Variants in BCAN observed in about 807,000 individuals in gnomAD.
BCAN encodes brevican core protein.
Under a neutral mutation model 92.4 loss-of-function variants are expected in BCAN, and 51 were observed. That is an observed-to-expected ratio of 0.55 (90% CI 0.44 to 0.70). The LOEUF is 0.70. BCAN is among the 30% of genes least tolerant of loss of function. BCAN has a pLI of 0.00. For missense variants in BCAN, 1,140 were observed against 1,212.1 expected (o/e 0.94, Z 0.88); for synonymous variants, 501 against 505.2 (o/e 0.99, Z 0.11).
Position 156,648,666 on chromosome 1 carries a change from C to G in BCAN, c.868C>G (p.Leu290Val). ...RGAEIATTGQ[L>V]YAAWDGGLDH... ...TGCAGAGATTGCCACCACGGGCCAA[C>G]TGTATGCAGCCTGGGATGGTGGCCT... The change falls in exon 6 of 14, where the codon CTG becomes GTG. Residue 290 changes from leucine (L) to valine (V), a missense_variant. Physicochemically the swap from Leu to Val is conservative, Grantham distance 32. Around this residue, in one of 3 missense-constraint regions of BCAN, gnomAD observed 825 missense variants for 871.8 expected, o/e 0.95. Transcript: ENST00000329117. 6.2e-7 allele frequency: 1 copy of G among 1,613,620 alleles called. No homozygotes were observed. Among genetic ancestry groups the G allele is most frequent in the Non-Finnish European group, 8.5e-7 (1 of 1,179,562 alleles).
Position 156,648,913 on chromosome 1 carries a change from G to C in BCAN, c.1063+52G>C, listed in dbSNP as rs1679072117. 5.3e-6 allele frequency: 8 copies of C among 1,510,364 alleles called. No homozygotes were observed. The South Asian group carries it at 7.6e-5, about 14-fold the overall frequency. The allele number at this position is 1,510,364 out of a possible 1,614,324, so 93.6% of individuals were successfully genotyped here. ...AGACCAATCTCAGAAAGGCAGAGTT[G>C]AGTCCTAAAAGTCCTACCCCAGTCT... On this transcript the variant is annotated intron_variant, in intron 6 of 13. Transcript: ENST00000329117.
chr1:156,647,691 G>C lies in BCAN; in HGVS notation c.641+9G>C. 1.9e-6 allele frequency: 3 copies of C among 1,576,464 alleles called. No homozygotes were observed. The highest frequency in any genetic ancestry group is 2.6e-6 in the Non-Finnish European group (3 of 1,159,600). On this transcript the variant is annotated intron_variant, in intron 4 of 13. Coordinates refer to ENST00000329117, the MANE Select transcript of BCAN (RefSeq NM_021948.5). This position sits in a 1 kb window ranked among gnomAD's most constrained non-coding sequence, Gnocchi z 4.8. ...TCGGATCAGACCGTGAGGTGGGCAG[G>C]GGCTGTGGATTGGGGCTTCTATTGG...
At chr1:156,649,124 G>T (rs1679079788) in intron 6 of BCAN, among the ~76,000 whole-genome samples, 1 of 152,142 alleles carries the variant, frequency 6.6e-6, no homozygotes, top group African/African-American at 2.4e-5. Flanking sequence ...TGCCTTGTTT[G>T]CTCCAGCTGG....
chr1:156,642,250 C>G lies in BCAN; in HGVS notation c.-34C>G, dbSNP rs1175506263. On this transcript the variant is annotated 5_prime_UTR_variant, in exon 1 of 14. Transcript: ENST00000329117. The surrounding 1 kb of genome is among the most constrained non-coding windows in gnomAD (Gnocchi z 4.2). ...GAGGAGGCGACAAACTTCGCAGTGC[C>G]GCGACCCAACCCCAGCCCTGGGTAG... 2 of 152,374 alleles carry G rather than the reference C, an allele frequency of 1.3e-5. No homozygotes were observed. The highest frequency in any genetic ancestry group is 3.9e-4 in the East Asian group (2 of 5,186). The allele number at this position is 152,374 out of a possible 1,614,324, so 9.4% of individuals were successfully genotyped here. A position where few individuals can be genotyped will look rare whatever the true frequency, so the allele number is the denominator to read the frequency against.
At chr1:156,657,244 C>A in intron 10 of BCAN, 148 bp downstream of exon 10, 1 of 1,060,544 alleles carries the variant, frequency 9.4e-7, no homozygotes, top group Non-Finnish European at 1.3e-6. Context: ...CTCCCCTTCT[C>A]ATTCTCTCTC....
chr1:156,650,300 G>A (rs372004592), intron 6 of BCAN, among the ~76,000 whole-genome samples: 1 of 152,184 alleles, frequency 6.6e-6, no homozygotes. Flanking sequence ...GATTGGTGGA[G>A]GACACAGGCA....
intron 6 of BCAN, among the ~76,000 whole-genome samples, chr1:156,649,265 A>G (rs1488630583): frequency 1.3e-5 from 2 of 152,198 alleles, no homozygotes; most frequent in Non-Finnish European, 2.9e-5. Context: ...AGCCCTCTGG[A>G]GGATTTCCAG....
Position 156,646,804 on chromosome 1 carries a change from A to G in BCAN, c.95A>G (p.Asp32Gly), listed in dbSNP as rs1326081977. ...AGCCGGCTCCACCCGTTCACAGAGG[A>G]CCGCGCTTTTCGCGTGCGCATCGCG... is the stretch of plus-strand genomic sequence containing the variant. ...ADVLEGDSSE[D>G]RAFRVRIAGD... is the part of the protein sequence containing the mutation. Residue 32 changes from aspartate (D) to glycine (G), a missense_variant, in exon 3 of 14, where the codon GAC (aspartate) becomes GGC (glycine). Asp to Gly is a moderately conservative substitution (Grantham distance 94). Coordinates refer to ENST00000329117, the MANE Select transcript of BCAN (RefSeq NM_021948.5). 6.4e-7 allele frequency: 1 copy of G among 1,560,470 alleles called. No homozygotes were observed.
chr1:156,651,383 A>T lies in BCAN; in HGVS notation c.1064-73A>T, dbSNP rs1014131819. ...GATGTGAGAGAATTGAGAGAATTCC[A>T]TGGTGCAAGCTGTGACCTGGGAGGG... On this transcript the variant is annotated intron_variant, in intron 6 of 13. Transcript: ENST00000329117. 24 of 1,326,220 alleles carry T rather than the reference A, an allele frequency of 1.8e-5. No homozygotes were observed. In the Admixed American group the frequency reaches 2.5e-4, roughly 14 times the overall value. The allele number at this position is 1,326,220 out of a possible 1,614,324, so 82.2% of individuals were successfully genotyped here.
chr1:156,656,957 C>T lies in BCAN; in HGVS notation c.2070C>T (p.Pro690=), dbSNP rs757924821. Residue 690 remains proline, a synonymous_variant, in exon 10 of 14, where the codon CCC becomes CCT. Transcript: ENST00000329117. The part of the protein sequence containing the change: ...LCDVGLRFCN[P]GWDAFQGACY... ...CCGCAGGCCTCCGCTTCTGCAACCC[C>T]GGCTGGGACGCCTTCCAGGGCGCCT... The T allele has an allele frequency of 1.2e-6, 2 of 1,613,946 alleles. No homozygotes were observed. Among genetic ancestry groups the T allele is most frequent in the Middle Eastern group, 1.7e-4 (1 of 6,034 alleles).
chr1:156,647,608 G>A lies in BCAN; in HGVS notation c.567G>A (p.Pro189=), dbSNP rs753522736. The change falls in exon 4 of 14, where the codon CCG becomes CCA. Residue 189 remains proline (P), a synonymous_variant. Transcript: ENST00000329117. This position sits in a 1 kb window ranked among gnomAD's most constrained non-coding sequence, Gnocchi z 4.8. ...CARIGAHIAT[P]EQLYAAYLGG... Reference sequence around the variant, plus strand: ...GCATTGGAGCCCACATCGCCACCCCGGAGCAGCTCTATGCCGCCTACCTTG... The same window carrying A: ...GCATTGGAGCCCACATCGCCACCCCAGAGCAGCTCTATGCCGCCTACCTTG... The A allele has an allele frequency of 1.1e-5, 17 of 1,613,074 alleles. No individual in the cohort carries two copies. The highest frequency in any genetic ancestry group is 2.2e-5 in the East Asian group (1 of 44,886).
chr1:156,651,033 G>A (rs1054989890), intron 6 of BCAN, among the ~76,000 whole-genome samples: 7 of 152,194 alleles, frequency 4.6e-5, no homozygotes, highest in Admixed American at 3.9e-4. Context: ...CATCCATCCT[G>A]CTGGCTCCAG....
At chr1:156,656,243 T>C in intron 8 of BCAN, 39 bp from the exon 9 acceptor site, 1 of 1,394,780 alleles carries the variant, frequency 7.2e-7, no homozygotes. Flanking sequence ...AGAGTGCGGC[T>C]GCCTCGCTCC....
intron 8 of BCAN, chr1:156,653,489 T>C: frequency 2.0e-6 from 2 of 987,052 alleles, no homozygotes; most frequent in African/African-American, 3.5e-5. Flanking sequence ...GTACCCTCTG[T>C]CTCCATCTCC....
intron 6 of BCAN, among the ~76,000 whole-genome samples, chr1:156,649,130 G>A (rs966696121): frequency 2.6e-5 from 4 of 152,170 alleles, no homozygotes; most frequent in Non-Finnish European, 5.9e-5. Flanking sequence ...GTTTGCTCCA[G>A]CTGGGCTGCT....
At chr1:156,656,743 A>T in intron 9 of BCAN, 195 bp from the exon 10 acceptor site, 1 of 711,134 alleles carries the variant, frequency 1.4e-6, no homozygotes, top group Non-Finnish European at 2.2e-6. Flanking sequence ...TAGAAAAGGC[A>T]CCAGCGCCCC....
At position 156,658,815 on chromosome 1, in the gene BCAN, A is replaced by G; in HGVS notation, c.2628+82A>G. 6.4e-7 allele frequency: 1 copy of G among 1,572,396 alleles called. No homozygotes were observed. Among genetic ancestry groups the G allele is most frequent in the Non-Finnish European group, 8.7e-7 (1 of 1,150,286 alleles). The stretch of plus-strand genomic sequence containing the variant: ...GACTCCACTTAAAGTCCTGCCTGTC[A>G]CTGGCCATGTGACCTTGGAGCCATC... On this transcript the variant is annotated intron_variant, in intron 13 of 13. Coordinates refer to ENST00000329117, the MANE Select transcript of BCAN (RefSeq NM_021948.5). The surrounding 1 kb of genome is among the most constrained non-coding windows in gnomAD (Gnocchi z 4.4).
At chr1:156,653,573 C>T (rs1679247425) in intron 8 of BCAN, 2 of 970,220 alleles carry the variant, frequency 2.1e-6, no homozygotes, top group Non-Finnish European at 2.5e-6. Context: ...GGCTCCATGT[C>T]TCTCCCTGTC....
Position 156,652,238 on chromosome 1 carries a change from C to G in BCAN, c.1298-10C>G. 6.3e-7 allele frequency: 1 copy of G among 1,575,260 alleles called. No individual in the cohort carries two copies. The highest frequency in any genetic ancestry group is 1.2e-5 in the South Asian group (1 of 82,490). Reference sequence around the variant, plus strand: ...TGTCCCTGGTGCTGAACCGTTTGTGCTTTGCCTAGAATTTGAAACACAATC... The same window carrying G: ...TGTCCCTGGTGCTGAACCGTTTGTGGTTTGCCTAGAATTTGAAACACAATC... On this transcript the variant is annotated splice_polypyrimidine_tract_variant and intron_variant, in intron 7 of 13. Transcript: ENST00000329117.
Sources: allele counts gnomAD v4.1 joint callset (sites outside exome capture counted in the v4.1 genomes callset), GRCh38; gene constraint gnomAD v4.1.1; regional missense constraint gnomAD v4.1.1; non-coding constraint Gnocchi (gnomAD v3.1); transcripts MANE v1.5; gene names NCBI Gene and HGNC (gene_info 2026-07-23, HGNC 2026-07-21).